Variants in GPC5 observed in about 807,000 individuals in gnomAD.
GPC5 encodes the protein glypican 5, also known as glypican-5.
In GPC5, 47 loss-of-function variants were observed where a neutral mutation model predicts 53.9. The observed-to-expected ratio is 0.87, with a 90% confidence interval of 0.69 to 1.11. GPC5 has a LOEUF of 1.11. Ranked by LOEUF, GPC5 falls within the 50% of genes most tolerant of loss-of-function variation. GPC5 has a pLI of 0.00. For missense variants in GPC5, 748 were observed against 713.1 expected (o/e 1.05, Z -0.56); for synonymous variants, 286 against 263.3 (o/e 1.09, Z -0.84).
At chr13:92,477,118 A>G (rs1206435578) in intron 7 of GPC5, among the ~76,000 whole-genome samples, 1 of 152,140 alleles carries the variant, frequency 6.6e-6, no homozygotes, top group African/African-American at 2.4e-5. Flanking sequence ...AATCTGACAC[A>G]TTTAGTAATG....
intron 6 of GPC5, among the ~76,000 whole-genome samples, chr13:91,915,999 T>C (rs1390468671): frequency 1.3e-5 from 2 of 152,336 alleles, no homozygotes; most frequent in South Asian, 2.1e-4. Flanking sequence ...TGCTACCATA[T>C]AGTAATGTGC....
chr13:91,843,168 T>A (rs2038809455), intron 5 of GPC5, among the ~76,000 whole-genome samples: 1 of 152,170 alleles, frequency 6.6e-6, no homozygotes, highest in African/African-American at 2.4e-5. Context: ...AGAAGAAACA[T>A]AAAACTTGAT....
chr13:92,222,038 C>T (rs2042453013), intron 7 of GPC5, among the ~76,000 whole-genome samples: 2 of 152,152 alleles, frequency 1.3e-5, no homozygotes, highest in South Asian at 4.1e-4. Flanking sequence ...TGACCTTTTG[C>T]TGGTGGGAAC....
chr13:91,939,400 G>A (rs1316061153), intron 6 of GPC5, among the ~76,000 whole-genome samples: 1 of 152,112 alleles, frequency 6.6e-6, no homozygotes, highest in East Asian at 1.9e-4. Flanking sequence ...ACGTAGCCAA[G>A]GGAGGCTAGA....
intron 6 of GPC5, among the ~76,000 whole-genome samples, chr13:92,047,939 C>T (rs941276469): frequency 3.3e-5 from 5 of 151,372 alleles, no homozygotes; most frequent in African/African-American, 9.7e-5. Context: ...TGGAGTGAGC[C>T]GAGATCATGC....
intron 7 of GPC5, among the ~76,000 whole-genome samples, chr13:92,354,686 T>C (rs1169353842): frequency 6.6e-6 from 1 of 152,204 alleles, no homozygotes; most frequent in East Asian, 1.9e-4. Flanking sequence ...TACTGTATTC[T>C]GGGAGGTCAG....
At chr13:92,767,421 G>C (rs775059543) in intron 7 of GPC5, among the ~76,000 whole-genome samples, 12 of 152,040 alleles carry the variant, frequency 7.9e-5, no homozygotes, top group Non-Finnish European at 1.6e-4. Context: ...CAGTGAGCCG[G>C]GATCGCGCCA....
chr13:92,405,517 A>G (rs537192166), intron 7 of GPC5, among the ~76,000 whole-genome samples: 1 of 152,332 alleles, frequency 6.6e-6, no homozygotes, highest in South Asian at 2.1e-4. Context: ...AAATTCTTAT[A>G]TTCAAAATTT....
At chr13:91,719,562 AT>A (rs1384683557) in intron 3 of GPC5, among the ~76,000 whole-genome samples, 3 of 152,242 alleles carry the variant, frequency 2.0e-5, no homozygotes, top group Admixed American at 2.0e-4. Flanking sequence ...TTACTCCATT[AT>A]TTTTACTTTT....
chr13:91,760,684 G>A (rs907591348), intron 5 of GPC5, among the ~76,000 whole-genome samples: 2 of 152,022 alleles, frequency 1.3e-5, no homozygotes, highest in Non-Finnish European at 2.9e-5. Flanking sequence ...TTATTTGTGT[G>A]CACAGACATT....
At chr13:91,868,075 A>G (rs1038475763) in intron 5 of GPC5, among the ~76,000 whole-genome samples, 6 of 152,232 alleles carry the variant, frequency 3.9e-5, no homozygotes, top group Non-Finnish European at 7.3e-5. Flanking sequence ...ATATTATTCA[A>G]GAAATTGTCT....
intron 7 of GPC5, among the ~76,000 whole-genome samples, chr13:92,680,429 A>G (rs1371799603): frequency 6.6e-6 from 1 of 152,216 alleles, no homozygotes. Flanking sequence ...CTTTATAGTT[A>G]TACATAGATG....
intron 7 of GPC5, among the ~76,000 whole-genome samples, chr13:92,709,047 A>AT (rs1367528119): frequency 2.1e-5 from 3 of 144,864 alleles, no homozygotes; most frequent in Admixed American, 6.9e-5. Context: ...CATCTGGCTA[A>AT]TTTTTTTTGT....
intron 7 of GPC5, among the ~76,000 whole-genome samples, chr13:92,457,706 C>T (rs1878324990): frequency 6.6e-6 from 1 of 151,814 alleles, no homozygotes. Flanking sequence ...CTTTATATTC[C>T]ATCCATGCAA....
chr13:92,282,195 GA>G, intron 7 of GPC5, among the ~76,000 whole-genome samples: 1 of 152,194 alleles, frequency 6.6e-6, no homozygotes, highest in Non-Finnish European at 1.5e-5. Flanking sequence ...GAAGTTTAGA[GA>G]AAAAAGAGTA....
In GPC5 at chr13:91,471,380, A is replaced by G. The variant is rs372946289; in HGVS notation, c.325+22458A>G. On this transcript the variant is annotated intron_variant, in intron 2 of 7. Coordinates refer to ENST00000377067, the MANE Select transcript of GPC5 (RefSeq NM_004466.6). ...TATAGTCCTTTCATGCATTTAATAC[A>G]TTTAATCCTTACTATGAAACAGATT... is the stretch of plus-strand genomic sequence containing the variant. Among the ~76,000 whole-genome samples, 12 of 152,190 alleles carry G rather than the reference A, an allele frequency of 7.9e-5. No homozygotes were observed. In the East Asian group the frequency reaches 2.1e-3, roughly 27 times the overall value.
intron 6 of GPC5, among the ~76,000 whole-genome samples, chr13:92,091,597 G>C (rs1594759296): frequency 6.6e-6 from 1 of 151,962 alleles, no homozygotes; most frequent in Admixed American, 6.6e-5. Context: ...CTAAGAAGTA[G>C]AGTAACATAG....
chr13:91,804,221 T>C (rs1594579603), intron 5 of GPC5, among the ~76,000 whole-genome samples: 1 of 152,340 alleles, frequency 6.6e-6, no homozygotes, highest in Middle Eastern at 3.4e-3. Context: ...GGTTATGCTT[T>C]CTTAACAATA....
intron 1 of GPC5, among the ~76,000 whole-genome samples, chr13:91,432,203 C>CTGTGTGTGTGTGTGTGTG (rs757953581): frequency 7.3e-6 from 1 of 136,354 alleles, no homozygotes; most frequent in Non-Finnish European, 1.6e-5. Flanking sequence ...GCTGCTGCTG[C>CTGTGTGTGTGTGTGTGTG]TGTGTGTGTG....
Sources: gnomAD v4.1 joint callset for allele counts (sites outside exome capture counted in the v4.1 genomes callset) on GRCh38, gnomAD v4.1.1 for gene constraint, MANE v1.5 for transcripts, NCBI Gene and HGNC (gene_info 2026-07-23, HGNC 2026-07-21) for gene names.